AGAP1: variants seen among roughly 807,000 people sequenced by gnomAD.
AGAP1 encodes the protein arf-GAP with GTPase, ANK repeat and PH domain-containing protein 1.
A neutral mutation model predicts 105.3 loss-of-function variants in AGAP1; 29 were observed. The ratio of observed to expected loss-of-function variants is 0.28; its 90% confidence interval spans 0.21 to 0.38. The LOEUF (loss-of-function observed/expected upper bound fraction) is 0.38, where lower values mean the gene tolerates loss of function less well. Among genes scored for constraint, AGAP1 ranks in the 10% least tolerant of loss-of-function variants. AGAP1 has a pLI of 1.00. For synonymous variants in AGAP1, 509 were observed against 485.9 expected, an observed-to-expected ratio of 1.05 and a Z score of -0.63; for missense variants, 998 against 1,165.1, an observed-to-expected ratio of 0.86 and a Z score of 2.09.
intron 1 of AGAP1, among the ~76,000 whole-genome samples, chr2:235,629,438 C>T (rs990469399): frequency 3.3e-5 from 5 of 152,106 alleles, no homozygotes; most frequent in Admixed American, 3.3e-4. Flanking sequence ...GTGGGAGGCT[C>T]TGGCCCTAGT....
chr2:235,594,644 G>A (rs371384483), intron 1 of AGAP1, among the ~76,000 whole-genome samples: 1 of 152,064 alleles, frequency 6.6e-6, no homozygotes, highest in South Asian at 2.1e-4. Context: ...ATGTGATCTC[G>A]GCTCGCTGCA....
Position 236,005,147 on chromosome 2 carries a change from T to G in AGAP1, c.1646-31414T>G, listed in dbSNP as rs2056276501. 6.6e-6 allele frequency among the ~76,000 whole-genome samples: 1 copy of G among 151,832 alleles called. No homozygotes were observed. The highest frequency in any genetic ancestry group is 1.5e-5 in the Non-Finnish European group (1 of 67,954). On this transcript the variant is annotated intron_variant, in intron 13 of 17. Coordinates refer to ENST00000304032, the MANE Select transcript of AGAP1 (RefSeq NM_001037131.3). The surrounding 1 kb of genome is among the most constrained non-coding windows in gnomAD (Gnocchi z 4.1). ...TTTTTGTGTGTGTGTGTGTTTTGGT[T>G]TTTGTTTGTTTGTTTTTGTGACAGG...
chr2:235,897,411 A>G (rs1203978259), intron 10 of AGAP1, among the ~76,000 whole-genome samples: 3 of 152,152 alleles, frequency 2.0e-5, no homozygotes, highest in Admixed American at 6.5e-5. Flanking sequence ...CAACATTGAA[A>G]AATTCTGCCT....
chr2:235,785,990 A>G (rs1956609981), intron 6 of AGAP1, among the ~76,000 whole-genome samples: 2 of 152,238 alleles, frequency 1.3e-5, no homozygotes, highest in South Asian at 4.1e-4. Flanking sequence ...TGCAGATTGA[A>G]GAATTGCCGG....
intron 1 of AGAP1, among the ~76,000 whole-genome samples, chr2:235,502,066 G>A (rs1256972149): frequency 6.6e-6 from 1 of 150,914 alleles, no homozygotes; most frequent in Admixed American, 6.6e-5. Context: ...TGCTTCTGAG[G>A]GGCTGAGGGG....
intron 13 of AGAP1, among the ~76,000 whole-genome samples, chr2:236,031,623 A>G (rs2057226740): frequency 6.6e-6 from 1 of 152,190 alleles, no homozygotes; most frequent in Admixed American, 6.5e-5. Flanking sequence ...TGAAAGGGCC[A>G]CATTCAAGGG....
At chr2:235,984,684 T>C (rs1014186573) in intron 13 of AGAP1, among the ~76,000 whole-genome samples, 2 of 152,100 alleles carry the variant, frequency 1.3e-5, no homozygotes, top group African/African-American at 2.4e-5. Flanking sequence ...TTCCCACTTA[T>C]GAGTGAGAAC....
Position 235,824,949 on chromosome 2 carries a change from CT to C in AGAP1, c.1050+17625del, listed in dbSNP as rs200589147. 1.3e-5 allele frequency among the ~76,000 whole-genome samples: 2 copies of C among 152,140 alleles called. No individual in the cohort carries two copies. Among genetic ancestry groups the C allele is most frequent in the Non-Finnish European group, 2.9e-5 (2 of 68,022 alleles). Reference sequence around the variant, plus strand: ...TTCTTTCCCCCTAATGGAAACCTTCCTTTTTTTATCAACAGTGGAGGAGATT... The same window carrying C: ...TTCTTTCCCCCTAATGGAAACCTTCCTTTTTTATCAACAGTGGAGGAGATT... On this transcript the variant is annotated intron_variant, in intron 9 of 17. Coordinates refer to ENST00000304032, the MANE Select transcript of AGAP1 (RefSeq NM_001037131.3). The surrounding 1 kb of genome is among the most constrained non-coding windows in gnomAD (Gnocchi z 5.2).
In AGAP1 at chr2:236,061,533, A is replaced by G. The variant is rs914351769; in HGVS notation, c.2114+12252A>G. On this transcript the variant is annotated intron_variant, in intron 16 of 17. Transcript: ENST00000304032. The surrounding 1 kb of genome is among the most constrained non-coding windows in gnomAD (Gnocchi z 4.1). Reference sequence around the variant, plus strand: ...GTGATTCTGCCATGGGAAGGAGTGAAGTGTGGATACAGGTTGTAACGTGGG... The same window carrying G: ...GTGATTCTGCCATGGGAAGGAGTGAGGTGTGGATACAGGTTGTAACGTGGG... Among the ~76,000 whole-genome samples, 1 of 152,162 alleles carries G rather than the reference A, an allele frequency of 6.6e-6. No individual in the cohort carries two copies. The highest frequency in any genetic ancestry group is 2.4e-5 in the African/African-American group (1 of 41,442).
chr2:235,815,110 C>T (rs1467573460), intron 9 of AGAP1, among the ~76,000 whole-genome samples: 1 of 152,172 alleles, frequency 6.6e-6, no homozygotes, highest in Non-Finnish European at 1.5e-5. Context: ...GTGCCACGCT[C>T]CCCTTTCCCA....
intron 11 of AGAP1, among the ~76,000 whole-genome samples, chr2:235,916,187 A>G (rs2051874889): frequency 6.6e-6 from 1 of 152,212 alleles, no homozygotes. Context: ...AGAAGAATCC[A>G]AAAGATATTC....
At chr2:235,771,634 G>A (rs1955457886) in intron 6 of AGAP1, among the ~76,000 whole-genome samples, 1 of 152,204 alleles carries the variant, frequency 6.6e-6, no homozygotes, top group South Asian at 2.1e-4. Flanking sequence ...CCAGGAAGCT[G>A]AAGCGAGGAG....
intron 9 of AGAP1, among the ~76,000 whole-genome samples, chr2:235,835,009 G>A (rs1467472052): frequency 6.6e-6 from 1 of 152,222 alleles, no homozygotes; most frequent in African/African-American, 2.4e-5. Flanking sequence ...AGAAACCAGA[G>A]CAGGGAGTCT....
rs1452111242 is a variant in AGAP1 at position 236,020,423 on chromosome 2, TA to T, written c.1646-16137del. Among the ~76,000 whole-genome samples, 1 of 152,250 alleles carries T rather than the reference TA, an allele frequency of 6.6e-6. No individual in the cohort carries two copies. The highest frequency in any genetic ancestry group is 1.5e-5 in the Non-Finnish European group (1 of 68,046). On this transcript the variant is annotated intron_variant, in intron 13 of 17. Coordinates refer to ENST00000304032, the MANE Select transcript of AGAP1 (RefSeq NM_001037131.3). The surrounding 1 kb of genome is among the most constrained non-coding windows in gnomAD (Gnocchi z 5.0). ...AACCTGTTATCTAGACTTTTAAACCTACCCTCCTGCTTCCATTTGCTGTCAT... is the reference window on the plus strand; with the variant it reads ...AACCTGTTATCTAGACTTTTAAACCTCCCTCCTGCTTCCATTTGCTGTCAT...
rs1351489734 is a variant in AGAP1, at chr2:235,586,093, G to T, written c.163+91244G>T. 1.3e-5 allele frequency among the ~76,000 whole-genome samples: 2 copies of T among 152,092 alleles called. No individual in the cohort carries two copies. The highest frequency in any genetic ancestry group is 2.9e-5 in the Non-Finnish European group (2 of 68,020). ...CATGAGCGAGTCAAATGCAAGTTGGGGAAGTGGCTGAAAAAAATGCCTCCT... is the reference window on the plus strand; with the variant it reads ...CATGAGCGAGTCAAATGCAAGTTGGTGAAGTGGCTGAAAAAAATGCCTCCT... On this transcript the variant is annotated intron_variant, in intron 1 of 17. Transcript: ENST00000304032. The surrounding 1 kb of genome is among the most constrained non-coding windows in gnomAD (Gnocchi z 4.2).
Position 235,900,855 on chromosome 2 carries a change from G to T in AGAP1, c.1156-7883G>T, listed in dbSNP as rs2051032723. Among the ~76,000 whole-genome samples the T allele has an allele frequency of 6.6e-6, 1 of 152,198 alleles. No homozygotes were observed. The highest frequency in any genetic ancestry group is 2.4e-5 in the African/African-American group (1 of 41,434). On this transcript the variant is annotated intron_variant, in intron 10 of 17. Transcript: ENST00000304032. This position sits in a 1 kb window ranked among gnomAD's most constrained non-coding sequence, Gnocchi z 5.5. ...GTCATGCACTTACAAGCATGGGTCAGGTAGTCTTCAGGAACGCAGTTCTGA... is the reference window on the plus strand; with the variant it reads ...GTCATGCACTTACAAGCATGGGTCATGTAGTCTTCAGGAACGCAGTTCTGA...
chr2:235,689,519 G>A lies in AGAP1; in HGVS notation c.164-19660G>A, dbSNP rs1949636171. 6.6e-6 allele frequency among the ~76,000 whole-genome samples: 1 copy of A among 152,262 alleles called. No individual in the cohort carries two copies. The highest frequency in any genetic ancestry group is 6.5e-5 in the Admixed American group (1 of 15,290). ...ATAGTGCGTTTGTAAGCCAGAGAAA[G>A]ATGGTACTGTGTGGTGGGGAATTCT... On this transcript the variant is annotated intron_variant, in intron 1 of 17. Coordinates refer to ENST00000304032, the MANE Select transcript of AGAP1 (RefSeq NM_001037131.3). This position sits in a 1 kb window ranked among gnomAD's most constrained non-coding sequence, Gnocchi z 4.2.
intron 1 of AGAP1, among the ~76,000 whole-genome samples, chr2:235,646,006 G>T (rs1559311382): frequency 1.3e-5 from 2 of 152,156 alleles, no homozygotes; most frequent in South Asian, 4.1e-4. Flanking sequence ...GGCGGGCGCA[G>T]TGGTTCACAC....
Position 235,659,747 on chromosome 2 carries a change from A to C in AGAP1, c.164-49432A>C, listed in dbSNP as rs1312419234. 6.6e-6 allele frequency among the ~76,000 whole-genome samples: 1 copy of C among 152,222 alleles called. No homozygotes were observed. The highest frequency in any genetic ancestry group is 1.5e-5 in the Non-Finnish European group (1 of 68,044). On this transcript the variant is annotated intron_variant, in intron 1 of 17. Coordinates refer to ENST00000304032, the MANE Select transcript of AGAP1 (RefSeq NM_001037131.3). This position sits in a 1 kb window ranked among gnomAD's most constrained non-coding sequence, Gnocchi z 5.0. ...ATTCTATTTCTTAATGGATCTTCTA[A>C]GCCCTGGATCAATAGTGTATATTTC...
Sources: allele counts gnomAD v4.1 joint callset (sites outside exome capture counted in the v4.1 genomes callset), GRCh38; gene constraint gnomAD v4.1.1; non-coding constraint Gnocchi (gnomAD v3.1); transcripts MANE v1.5; gene names NCBI Gene and HGNC (gene_info 2026-07-23, HGNC 2026-07-21).